XPO7: variants seen among roughly 807,000 people sequenced by gnomAD.
The protein encoded by XPO7 is exportin-7.
XPO7 carries 21 observed loss-of-function variants against 144.3 expected under a neutral mutation model. The observed-to-expected ratio is 0.15, with a 90% CI of 0.10 to 0.21. XPO7 has a LOEUF of 0.21. Among genes scored for constraint, XPO7 ranks in the 10% least tolerant of loss-of-function variants. XPO7 has a pLI of 1.00. For synonymous variants in XPO7, 580 were observed against 499.6 expected (o/e 1.16, Z -2.15); for missense variants, 808 against 1,325.8 (o/e 0.61, Z 6.06).
chr8:21,974,864 C>A, intron 6 of XPO7, 90 bp downstream of exon 6: 2 of 1,049,326 alleles, frequency 1.9e-6, no homozygotes, highest in Non-Finnish European at 1.4e-6. Flanking sequence ...TTTAACTGAT[C>A]CCACGAGAGT....
At chr8:21,946,274 C>T (rs940964874) in intron 1 of XPO7, among the ~76,000 whole-genome samples, 2 of 151,952 alleles carry the variant, frequency 1.3e-5, no homozygotes, top group Non-Finnish European at 2.9e-5. Context: ...TAAGTTAATG[C>T]TTAACAAAAT....
At chr8:21,926,369 A>T (rs1205543733) in intron 1 of XPO7, among the ~76,000 whole-genome samples, 1 of 152,200 alleles carries the variant, frequency 6.6e-6, no homozygotes, top group Non-Finnish European at 1.5e-5. Context: ...AGTCTCAGAA[A>T]GAACTGAGAG....
Position 21,994,986 on chromosome 8 carries a change from G to A in XPO7, c.2238-506G>A, listed in dbSNP as rs528472365. 1.1e-4 allele frequency among the ~76,000 whole-genome samples: 17 copies of A among 152,032 alleles called. No individual in the cohort carries two copies. In the East Asian group the frequency reaches 2.7e-3, roughly 24 times the overall value. On this transcript the variant is annotated intron_variant, in intron 20 of 27. Coordinates refer to ENST00000252512, the MANE Select transcript of XPO7 (RefSeq NM_015024.5). ...GGAGAATGGCATGAACCCAGGAGGCGGAGCTTGCAGTGAGCCGAGATCGCG... is the reference window on the plus strand; with the variant it reads ...GGAGAATGGCATGAACCCAGGAGGCAGAGCTTGCAGTGAGCCGAGATCGCG...
intron 21 of XPO7, among the ~76,000 whole-genome samples, chr8:21,998,327 G>A (rs560183359): frequency 6.6e-6 from 1 of 152,300 alleles, no homozygotes; most frequent in African/African-American, 2.4e-5. Flanking sequence ...TGTAGTCCCA[G>A]CTACTTGGGA....
rs148462581 is a variant in XPO7 at position 22,001,934 on chromosome 8, A to T, written c.2783-178A>T. 0.019 allele frequency among the ~76,000 whole-genome samples: 2,948 copies of T among 152,290 alleles called. 45 individuals carry two copies. The highest frequency in any genetic ancestry group is 0.048 in the Middle Eastern group (14 of 294). On this transcript the variant is annotated intron_variant, in intron 24 of 27. Transcript: ENST00000252512. ...TCTTTATTACCACATACTCACTTTC[A>T]AACTTAGAAATTGAGCCCTACTGTA...
chr8:21,924,437 G>A (rs1312530166), intron 1 of XPO7, among the ~76,000 whole-genome samples: 6 of 151,288 alleles, frequency 4.0e-5, no homozygotes, highest in African/African-American at 1.5e-4. Flanking sequence ...ACAGCTACCT[G>A]TAGCCCCCCT....
At chr8:21,938,496 A>G (rs143882070) in intron 1 of XPO7, among the ~76,000 whole-genome samples, 4,052 of 152,130 alleles carry the variant, frequency 0.027, 71 homozygotes, top group Non-Finnish European at 0.04. Context: ...TGATGACTCA[A>G]TTTTCTCACC....
At chr8:21,939,807 T>C (rs2117265438) in intron 1 of XPO7, among the ~76,000 whole-genome samples, 1 of 152,348 alleles carries the variant, frequency 6.6e-6, no homozygotes, top group African/African-American at 2.4e-5. Context: ...GCTAATGAGA[T>C]TTAGTTTTAT....
intron 19 of XPO7, among the ~76,000 whole-genome samples, chr8:21,993,544 T>A (rs2117387711): frequency 6.6e-6 from 1 of 152,336 alleles, no homozygotes; most frequent in African/African-American, 2.4e-5. Flanking sequence ...TTATAGTAGT[T>A]TTATTGCTGT....
intron 27 of XPO7, 45 bp from the exon 28 acceptor site, chr8:22,004,950 T>TGC: frequency 1.1e-6 from 1 of 901,396 alleles, no homozygotes; most frequent in Non-Finnish European, 1.6e-6. Flanking sequence ...CAAATACCTT[T>TGC]CCCCCCCACT....
intron 1 of XPO7, among the ~76,000 whole-genome samples, chr8:21,939,262 CT>C (rs1810916670): frequency 6.8e-6 from 1 of 148,012 alleles, no homozygotes; most frequent in Admixed American, 6.7e-5. Context: ...GCTCTTCTTG[CT>C]GAGGCTGAAG....
rs2117372439 is a variant in XPO7, at chr8:21,987,154, A to T, written c.1591A>T (p.Met531Leu). ...GELVCRVLQL[M>L]NLTDSRLAQA... The stretch of plus-strand genomic sequence containing the variant: ...CTCTTCCTCCAGGGTGCTCCAGCTG[A>T]TGAACCTAACAGATTCTCGTTTGGC... The change falls in exon 14 of 28, where the codon ATG becomes TTG. Residue 531 changes from methionine (M) to leucine (L), a missense_variant. Met to Leu is a conservative substitution (Grantham distance 15). Around this residue, in one of 5 missense-constraint regions of XPO7, gnomAD observed 416 missense variants for 612.5 expected, o/e 0.68. Coordinates refer to ENST00000252512, the MANE Select transcript of XPO7 (RefSeq NM_015024.5). 1 of 1,613,962 alleles carries T rather than the reference A, an allele frequency of 6.2e-7. No homozygotes were observed. Among genetic ancestry groups the T allele is most frequent in the Non-Finnish European group, 8.5e-7 (1 of 1,179,876 alleles).
intron 1 of XPO7, among the ~76,000 whole-genome samples, chr8:21,943,376 A>G (rs138587151): frequency 7.3e-4 from 111 of 152,292 alleles, no homozygotes; most frequent in Middle Eastern, 3.4e-3. Flanking sequence ...TAGTGTTAGG[A>G]TGCTATGGTG....
chr8:21,971,914 A>T lies in XPO7; in HGVS notation c.465A>T (p.Leu155Phe). Residue 155 changes from leucine (L) to phenylalanine (F), a missense_variant, in exon 5 of 28, where the codon TTA (leucine) becomes TTT (phenylalanine). This residue lies in a region of XPO7 where 223 missense variants were observed against 368.8 expected (regional missense o/e 0.60). Coordinates refer to ENST00000252512, the MANE Select transcript of XPO7 (RefSeq NM_015024.5). ...ACTGCATCATTGGTGTCACAATTTTATCTCAGCTAACCAATGAAATTAATC... is the reference window on the plus strand; with the variant it reads ...ACTGCATCATTGGTGTCACAATTTTTTCTCAGCTAACCAATGAAATTAATC... ...VEYCIIGVTI[L>F]SQLTNEINQA... 3 of 1,613,668 alleles carry T rather than the reference A, an allele frequency of 1.9e-6. No homozygotes were observed. Among genetic ancestry groups the T allele is most frequent in the Non-Finnish European group, 2.5e-6 (3 of 1,179,804 alleles).
intron 22 of XPO7, 121 bp downstream of exon 22, chr8:21,998,958 C>T: frequency 7.0e-7 from 1 of 1,424,262 alleles, no homozygotes. Flanking sequence ...GTATTGTATG[C>T]TAATACATGT....
At chr8:21,951,264 T>C (rs1811362033) in intron 1 of XPO7, among the ~76,000 whole-genome samples, 1 of 151,744 alleles carries the variant, frequency 6.6e-6, no homozygotes, top group African/African-American at 2.4e-5. Context: ...GTTAAGTACG[T>C]CTTTTTTTTT....
chr8:21,934,076 A>G (rs1243185765), intron 1 of XPO7, among the ~76,000 whole-genome samples: 4 of 152,240 alleles, frequency 2.6e-5, no homozygotes, highest in African/African-American at 7.2e-5. Context: ...TGTGCTACAT[A>G]GTAGAGATAA....
chr8:21,953,507 A>C (rs1294321768), intron 1 of XPO7, among the ~76,000 whole-genome samples: 2 of 152,234 alleles, frequency 1.3e-5, no homozygotes, highest in Non-Finnish European at 2.9e-5. Flanking sequence ...GTGTAGACAT[A>C]AGTTTTCAAG....
intron 1 of XPO7, among the ~76,000 whole-genome samples, chr8:21,939,617 A>G (rs1810927306): frequency 6.6e-6 from 1 of 152,226 alleles, no homozygotes; most frequent in South Asian, 2.1e-4. Flanking sequence ...TTCTTGTAGA[A>G]TACTTGTAAT....
Sources: gnomAD v4.1 joint callset for allele counts (sites outside exome capture counted in the v4.1 genomes callset) on GRCh38, gnomAD v4.1.1 for gene constraint, gnomAD v4.1.1 regional missense constraint, MANE v1.5 for transcripts, NCBI Gene and HGNC (gene_info 2026-07-23, HGNC 2026-07-21) for gene names.